Variants in OXSR1 observed in about 807,000 individuals in gnomAD.
OXSR1 encodes oxidative stress responsive kinase 1, also known as serine/threonine-protein kinase OSR1.
Under a neutral mutation model 79.8 loss-of-function variants are expected in OXSR1, and 24 were observed. That is an observed-to-expected ratio of 0.30 (90% confidence interval 0.22 to 0.42). The LOEUF (loss-of-function observed/expected upper bound fraction) is 0.42, where lower values mean the gene tolerates loss of function less well. Among genes scored for constraint, OXSR1 ranks in the 10% least tolerant of loss-of-function variants. OXSR1 has a pLI of 1.00. For missense variants in OXSR1, 430 were observed against 618.4 expected (o/e 0.70, Z 3.23); for synonymous variants, 226 against 209.2 (o/e 1.08, Z -0.69).
At chr3:38,204,958 T>C (rs1702238582) in intron 4 of OXSR1, among the ~76,000 whole-genome samples, 1 of 152,202 alleles carries the variant, frequency 6.6e-6, no homozygotes, top group South Asian at 2.1e-4. Flanking sequence ...CACTTTAGCC[T>C]GCAGAGGCAC....
intron 8 of OXSR1, 35 bp from the exon 9 acceptor site, chr3:38,229,652 A>G (rs778809581): frequency 2.5e-5 from 40 of 1,576,178 alleles, no homozygotes; most frequent in Non-Finnish European, 2.9e-5. Context: ...TGAATTAATT[A>G]TAAAAACTTT....
chr3:38,191,933 G>A (rs1701991487), intron 3 of OXSR1, among the ~76,000 whole-genome samples: 1 of 152,028 alleles, frequency 6.6e-6, no homozygotes, highest in Non-Finnish European at 1.5e-5. Flanking sequence ...AGAACTTTTC[G>A]TTATCAACTG....
At chr3:38,244,476 G>A (rs994127205) in intron 12 of OXSR1, among the ~76,000 whole-genome samples, 1 of 152,008 alleles carries the variant, frequency 6.6e-6, no homozygotes, top group Non-Finnish European at 1.5e-5. Flanking sequence ...TCTATTTTCT[G>A]TCTATGAATT....
At chr3:38,212,256 A>G (rs1215233169) in intron 4 of OXSR1, among the ~76,000 whole-genome samples, 3 of 152,220 alleles carry the variant, frequency 2.0e-5, no homozygotes, top group Non-Finnish European at 4.4e-5. Context: ...AGATATTTTT[A>G]GGATGTCTTG....
chr3:38,201,848 A>G (rs1702171383), intron 4 of OXSR1, among the ~76,000 whole-genome samples: 1 of 152,216 alleles, frequency 6.6e-6, no homozygotes, highest in Non-Finnish European at 1.5e-5. Context: ...TGGGCAACAG[A>G]GCAAGACTCT....
intron 8 of OXSR1, among the ~76,000 whole-genome samples, chr3:38,228,675 A>G (rs1412509472): frequency 6.6e-6 from 1 of 152,158 alleles, no homozygotes; most frequent in African/African-American, 2.4e-5. Context: ...GGTTCAAGCA[A>G]TTCTCCTGCC....
chr3:38,230,071 G>C (rs1432146968), intron 9 of OXSR1, among the ~76,000 whole-genome samples: 1 of 152,116 alleles, frequency 6.6e-6, no homozygotes, highest in Non-Finnish European at 1.5e-5. Context: ...TCAGATAGTA[G>C]GATGTTACTG....
At position 38,221,658 on chromosome 3, in the gene OXSR1, T is replaced by C; in HGVS notation, c.571T>C (p.Cys191Arg). Residue 191 changes from cysteine (C) to arginine (R), a missense_variant, in exon 6 of 18, where the codon TGT (cysteine) becomes CGT (arginine). Physicochemically the swap from Cys to Arg is radical, Grantham distance 180 (BLOSUM62 -3). Around this residue, in one of 3 missense-constraint regions of OXSR1, gnomAD observed 145 missense variants for 228.3 expected, o/e 0.64. Coordinates refer to ENST00000311806, the MANE Select transcript of OXSR1 (RefSeq NM_005109.3). ...GAGAAAGACCTTTGTTGGCACCCCT[T>C]GTTGGATGGCACCTGAAGTTATGGA... Reference protein sequence around the residue: ...KVRKTFVGTPCWMAPEVMEQV... With the variant: ...KVRKTFVGTPRWMAPEVMEQV... The C allele has an allele frequency of 6.2e-7, 1 of 1,610,124 alleles. No homozygotes were observed. The highest frequency in any genetic ancestry group is 8.5e-7 in the Non-Finnish European group (1 of 1,176,478).
At chr3:38,216,200 C>T (rs763910034) in intron 5 of OXSR1, 49 bp downstream of exon 5, 2 of 1,101,254 alleles carry the variant, frequency 1.8e-6, no homozygotes, top group East Asian at 2.4e-5. Context: ...AGTAGAACCA[C>T]ATTACTTATC....
At chr3:38,248,338 GC>G (rs34969862) in intron 14 of OXSR1, among the ~76,000 whole-genome samples, 19 of 69,684 alleles carry the variant, frequency 2.7e-4, no homozygotes, top group Admixed American at 4.0e-4. Flanking sequence ...TCCCTGCCCC[GC>G]CCCCCCCGCC....
chr3:38,232,580 CCTATCTCTA>C (rs1702833708), intron 10 of OXSR1, among the ~76,000 whole-genome samples: 1 of 151,870 alleles, frequency 6.6e-6, no homozygotes, highest in East Asian at 1.9e-4. Flanking sequence ...CATGGCAGAC[CCTATCTCTA>C]CTAAAAATAC....
At chr3:38,194,111 T>C (rs1016963874) in intron 3 of OXSR1, among the ~76,000 whole-genome samples, 2 of 152,146 alleles carry the variant, frequency 1.3e-5, no homozygotes, top group Non-Finnish European at 2.9e-5. Flanking sequence ...CTCCAGTACA[T>C]TGGTGAATAA....
intron 4 of OXSR1, among the ~76,000 whole-genome samples, chr3:38,213,959 A>G (rs914240074): frequency 1.3e-5 from 2 of 152,192 alleles, no homozygotes; most frequent in African/African-American, 4.8e-5. Flanking sequence ...ATGTATGTTC[A>G]TTAGTATTCA....
intron 2 of OXSR1, among the ~76,000 whole-genome samples, chr3:38,186,896 A>G (rs1310486494): frequency 6.6e-6 from 1 of 152,242 alleles, no homozygotes; most frequent in Non-Finnish European, 1.5e-5. Flanking sequence ...GCTATTTTCC[A>G]AAGTAGCCGT....
Position 38,246,146 on chromosome 3 carries a change from G to A in OXSR1, c.1182G>A (p.Gln394=). Reference sequence around the variant, plus strand: ...AACAGATCTCTGCTCATCTACCTCAGCCAGCTGGGCAGATTGCTACACAGC... The same window carrying A: ...AACAGATCTCTGCTCATCTACCTCAACCAGCTGGGCAGATTGCTACACAGC... ...VPEQISAHLP[Q]PAGQIATQPT... Residue 394 remains glutamine, a synonymous_variant, in exon 13 of 18, where the codon CAG becomes CAA. Transcript: ENST00000311806. The A allele has an allele frequency of 6.2e-7, 1 of 1,613,692 alleles. No individual in the cohort carries two copies. The highest frequency in any genetic ancestry group is 8.5e-7 in the Non-Finnish European group (1 of 1,179,758).
intron 14 of OXSR1, among the ~76,000 whole-genome samples, chr3:38,249,156 G>A (rs1703204605): frequency 6.6e-6 from 1 of 152,166 alleles, no homozygotes; most frequent in Non-Finnish European, 1.5e-5. Flanking sequence ...TCATCAAATA[G>A]AAGTAAACCC....
chr3:38,183,092 C>T lies in OXSR1; in HGVS notation c.160C>T (p.Gln54Ter). The T allele has an allele frequency of 6.2e-7, 1 of 1,607,590 alleles. No homozygotes were observed. The highest frequency in any genetic ancestry group is 8.5e-7 in the Non-Finnish European group (1 of 1,174,948). The change falls in exon 2 of 18, where the codon CAA becomes TAA. Residue 54 changes from glutamine to a stop codon, truncating the protein, a stop_gained. Transcript: ENST00000311806. LOFTEE classifies it high-confidence loss of function. ...CAAACGGATAAACCTTGAGAAATGT[C>T]AAACTAGCATGGATGAACTCCTGGT... ...AIKRINLEKC[Q>*]TSMDELLKEI...
Position 38,223,433 on chromosome 3 carries a change from C to G in OXSR1, c.601-379C>G, listed in dbSNP as rs185841138. Among the ~76,000 whole-genome samples, 18 of 150,586 alleles carry G rather than the reference C, an allele frequency of 1.2e-4. No individual in the cohort carries two copies. The East Asian group carries it at 3.5e-3, about 29-fold the overall frequency. On this transcript the variant is annotated intron_variant, in intron 6 of 17. Coordinates refer to ENST00000311806, the MANE Select transcript of OXSR1 (RefSeq NM_005109.3). ...AGGCAAGAGCCACCGTGCCCCACCT[C>G]AGAAGCTAACTTTTTTTTTTTTTTT...
chr3:38,198,651 G>T, intron 3 of OXSR1, 71 bp from the exon 4 acceptor site: 3 of 1,213,832 alleles, frequency 2.5e-6, no homozygotes, highest in Non-Finnish European at 2.3e-6. Context: ...CATGTGTTTT[G>T]ATTCTAAAAT....
Sources: allele counts gnomAD v4.1 joint callset (sites outside exome capture counted in the v4.1 genomes callset), GRCh38; gene constraint gnomAD v4.1.1; regional missense constraint gnomAD v4.1.1; transcripts MANE v1.5; gene names NCBI Gene and HGNC (gene_info 2026-07-23, HGNC 2026-07-21).